Variants in ZNF676 observed in about 807,000 individuals in gnomAD.
ZNF676 encodes zinc finger protein 676.
Under a neutral mutation model 6.0 loss-of-function variants are expected in ZNF676, and 4 were observed. The ratio of observed to expected loss-of-function variants is 0.67; its 90% CI spans 0.33 to 1.53. The LOEUF (loss-of-function observed/expected upper bound fraction) is 1.53. ZNF676 is among the 40% of genes most tolerant of loss of function. The pLI is 0.06. For synonymous variants in ZNF676, 198 were observed against 223.1 expected (o/e 0.89, Z 1.00); for missense variants, 644 against 679.7 (o/e 0.95, Z 0.58).
intron 2 of ZNF676, among the ~76,000 whole-genome samples, chr19:22,190,306 G>C (rs1329848828): frequency 6.6e-6 from 1 of 151,604 alleles, no homozygotes; most frequent in African/African-American, 2.4e-5. Context: ...CAAATATACA[G>C]GAATTTAACA....
At chr19:22,222,624 G>A in the ZNF676 span, among the ~76,000 whole-genome samples, 2 of 151,870 alleles carry the variant, frequency 1.3e-5, no homozygotes, top group Non-Finnish European at 2.9e-5. Flanking sequence ...TGGAGCAAAA[G>A]CCTGTTCAAG....
At chr19:22,230,335 C>T in the ZNF676 span, among the ~76,000 whole-genome samples, 20 of 152,204 alleles carry the variant, frequency 1.3e-4, no homozygotes, top group East Asian at 3.3e-3. Context: ...ACATCACACA[C>T]TGGGACCTGT....
the ZNF676 span, among the ~76,000 whole-genome samples, chr19:22,256,801 G>C: frequency 2.0e-5 from 3 of 151,876 alleles, no homozygotes; most frequent in Non-Finnish European, 4.4e-5. Context: ...ATCACCTAGG[G>C]GATGAATGAA....
At chr19:22,234,993 AAAGAAAGAAAGAAAGAAAG>A in the ZNF676 span, among the ~76,000 whole-genome samples, 1 of 113,444 alleles carries the variant, frequency 8.8e-6, no homozygotes. Flanking sequence ...AGAAAGAAAG[AAAGAAAGAAAGAAAGAAAG>A]AAAGAAAGAA....
At chr19:22,235,121 CAGGAAGGAAGGAAGGAAGGA>C in the ZNF676 span, among the ~76,000 whole-genome samples, 11 of 131,702 alleles carry the variant, frequency 8.4e-5, no homozygotes, top group Admixed American at 1.6e-4. Context: ...GGCAGGAAGG[CAGGAAGGAAGGAAGGAAGGA>C]AGGAAGGAAG....
chr19:22,251,295 G>A, the ZNF676 span, among the ~76,000 whole-genome samples: 2 of 152,170 alleles, frequency 1.3e-5, no homozygotes, highest in Non-Finnish European at 2.9e-5. Context: ...ACCATGATTT[G>A]TCTTTAGTAG....
intron 1 of ZNF676, among the ~76,000 whole-genome samples, chr19:22,208,220 G>A (rs2033635929): frequency 6.9e-6 from 1 of 145,360 alleles, no homozygotes; most frequent in African/African-American, 2.5e-5. Context: ...TTACTATCCA[G>A]AATCCGTAAG....
At chr19:22,189,252 G>C (rs2023874501) in intron 2 of ZNF676, among the ~76,000 whole-genome samples, 1 of 152,114 alleles carries the variant, frequency 6.6e-6, no homozygotes, top group East Asian at 1.9e-4. Context: ...ACAAGAAATG[G>C]GGAAAGGATT....
upstream of ZNF676, among the ~76,000 whole-genome samples, chr19:22,198,697 T>C (rs2023996060): frequency 6.6e-6 from 1 of 152,040 alleles, no homozygotes; most frequent in Non-Finnish European, 1.5e-5. Context: ...CTCCATCCAT[T>C]TCTGTCCTTT....
chr19:22,214,723 T>C (rs1276212863), intron 1 of ZNF676, among the ~76,000 whole-genome samples: 1 of 150,956 alleles, frequency 6.6e-6, no homozygotes, highest in Non-Finnish European at 1.5e-5. Context: ...AACCAAGAAA[T>C]TTCCATCTTC....
chr19:22,211,842 C>A (rs1282432593), intron 1 of ZNF676, among the ~76,000 whole-genome samples: 1 of 152,072 alleles, frequency 6.6e-6, no homozygotes, highest in East Asian at 1.9e-4. Flanking sequence ...AAAAAATGTT[C>A]TTATTTTTTT....
chr19:22,223,492 G>A, the ZNF676 span, among the ~76,000 whole-genome samples: 27 of 151,260 alleles, frequency 1.8e-4, no homozygotes, highest in Admixed American at 8.6e-4. Flanking sequence ...TCTTGCTGTC[G>A]GGGGATAAGA....
At chr19:22,226,112 G>A in the ZNF676 span, among the ~76,000 whole-genome samples, 1 of 151,786 alleles carries the variant, frequency 6.6e-6, no homozygotes, top group African/African-American at 2.4e-5. Context: ...ATGGTTCAAG[G>A]AAAGAATCCA....
the ZNF676 span, among the ~76,000 whole-genome samples, chr19:22,232,464 C>T: frequency 3.9e-5 from 6 of 152,206 alleles, no homozygotes; most frequent in Non-Finnish European, 7.4e-5. Context: ...CCACATCCAG[C>T]CTACAGTAGC....
At chr19:22,200,575 A>G (rs1253775135), upstream of ZNF676, among the ~76,000 whole-genome samples, 1 of 138,884 alleles carries the variant, frequency 7.2e-6, no homozygotes. Context: ...CTGGAGTGCA[A>G]TGGTGTGATC....
the ZNF676 span, among the ~76,000 whole-genome samples, chr19:22,221,639 T>C: frequency 1.3e-5 from 2 of 151,998 alleles, no homozygotes; most frequent in African/African-American, 4.8e-5. Context: ...TAATCCCAGC[T>C]ACTCAGAAGG....
the ZNF676 span, among the ~76,000 whole-genome samples, chr19:22,246,529 T>C: frequency 1.8e-4 from 28 of 151,574 alleles, no homozygotes; most frequent in Middle Eastern, 6.8e-3. Context: ...ATCAAAAGAG[T>C]CACATAACCC....
intron 1 of ZNF676, among the ~76,000 whole-genome samples, chr19:22,214,850 TA>T (rs2024166702): frequency 6.6e-6 from 1 of 151,346 alleles, no homozygotes; most frequent in East Asian, 2.0e-4. Context: ...CTACCCTGAC[TA>T]ACACGGTGAA....
the ZNF676 span, among the ~76,000 whole-genome samples, chr19:22,222,879 T>A: frequency 6.6e-6 from 1 of 152,216 alleles, no homozygotes; most frequent in African/African-American, 2.4e-5. Flanking sequence ...GGGGAAGTTG[T>A]TGCAGTCAGA....
Sources: gnomAD v4.1 joint callset for allele counts (sites outside exome capture counted in the v4.1 genomes callset) on GRCh38, gnomAD v4.1.1 for gene constraint, MANE v1.5 for transcripts, NCBI Gene and HGNC (gene_info 2026-07-23, HGNC 2026-07-21) for gene names.